The following FAM135A variants were observed in gnomAD, a reference collection of about 807,000 sequenced individuals.
The protein encoded by FAM135A is family with sequence similarity 135 member A, also known as protein FAM135A.
Under a neutral mutation model 146.8 loss-of-function variants are expected in FAM135A, and 79 were observed. The observed-to-expected ratio is 0.54, with a 90% CI of 0.45 to 0.65. The LOEUF (loss-of-function observed/expected upper bound fraction) is 0.65. Among genes scored for constraint, FAM135A ranks in the 30% least tolerant of loss-of-function variants. The pLI is 0.00. For missense variants in FAM135A, 1,623 were observed against 1,758.2 expected (o/e 0.92, Z 1.38); for synonymous variants, 562 against 603.6 (o/e 0.93, Z 1.01).
intron 5 of FAM135A, among the ~76,000 whole-genome samples, chr6:70,464,736 G>A (rs890900749): frequency 2.2e-5 from 3 of 134,086 alleles, no homozygotes; most frequent in East Asian, 2.1e-4. Flanking sequence ...GTGTGATCTC[G>A]GCTCACTGCA....
intron 11 of FAM135A, among the ~76,000 whole-genome samples, chr6:70,498,843 G>C (rs1272913656): frequency 1.3e-5 from 2 of 152,186 alleles, no homozygotes; most frequent in Non-Finnish European, 2.9e-5. Flanking sequence ...CTGAGAGACT[G>C]TTTATTATGA....
chr6:70,538,161 G>T (rs1397703965), intron 19 of FAM135A, 130 bp from the exon 20 acceptor site: 5 of 469,702 alleles, frequency 1.1e-5, no homozygotes, highest in African/African-American at 6.1e-5. Context: ...ATATATTTTT[G>T]ATTAGCCAAC....
chr6:70,428,500 C>A, intron 4 of FAM135A, 81 bp downstream of exon 4: 3 of 888,134 alleles, frequency 3.4e-6, no homozygotes, highest in South Asian at 4.5e-5. Context: ...ATTTTTATTC[C>A]AGCATATATA....
chr6:70,557,148 G>T (rs1305491735), intron 21 of FAM135A: 1 of 503,288 alleles, frequency 2.0e-6, no homozygotes, highest in Non-Finnish European at 3.5e-6. Context: ...ATTGACAATT[G>T]TAGTCATCCT....
At chr6:70,526,829 C>G (rs1794848971) in intron 15 of FAM135A, 131 bp downstream of exon 15, 2 of 827,024 alleles carry the variant, frequency 2.4e-6, no homozygotes, top group Non-Finnish European at 1.7e-6. Flanking sequence ...ATAGATAGTG[C>G]TAAAGGATTG....
rs1463617765 is a variant in FAM135A, at chr6:70,526,555, T to C, written c.3471T>C (p.Ser1157=). 1 of 1,613,698 alleles carries C rather than the reference T, an allele frequency of 6.2e-7. No individual in the cohort carries two copies. The highest frequency in any genetic ancestry group is 1.7e-5 in the Admixed American group (1 of 60,002). The part of the protein sequence containing the change: ...VCTSGCLSFP[S]APRESPCNVK... Reference sequence around the variant, plus strand: ...CTTCTGGTTGTTTGTCCTTCCCGTCTGCACCACGAGAGTCTCCTTGTAATG... The same window carrying C: ...CTTCTGGTTGTTTGTCCTTCCCGTCCGCACCACGAGAGTCTCCTTGTAATG... The change falls in exon 15 of 22, where the codon TCT becomes TCC. Residue 1157 remains serine, a synonymous_variant. Coordinates refer to ENST00000418814, the MANE Select transcript of FAM135A (RefSeq NM_001162529.3).
chr6:70,551,118 C>T (rs937869999), intron 20 of FAM135A, among the ~76,000 whole-genome samples: 3 of 152,200 alleles, frequency 2.0e-5, no homozygotes, highest in South Asian at 4.1e-4. Context: ...AAACCTTCTC[C>T]GCATCAGCAA....
chr6:70,466,967 A>G (rs555719082), intron 5 of FAM135A, among the ~76,000 whole-genome samples: 12 of 152,256 alleles, frequency 7.9e-5, no homozygotes, highest in Admixed American at 1.3e-4. Flanking sequence ...ATCTTCCTTC[A>G]CCATCTTCCT....
At chr6:70,444,406 AAAAT>A (rs139346630) in intron 4 of FAM135A, among the ~76,000 whole-genome samples, 42,625 of 150,408 alleles carry the variant, frequency 0.28, 8,194 homozygotes, top group African/African-American at 0.55. Flanking sequence ...GTGTCTCAAA[AAAAT>A]AAATAAATAA....
chr6:70,461,175 G>T (rs1234214492), intron 5 of FAM135A, among the ~76,000 whole-genome samples: 2 of 152,094 alleles, frequency 1.3e-5, no homozygotes, highest in Non-Finnish European at 2.9e-5. Flanking sequence ...CAGAGATGCT[G>T]CTCTGATGTA....
chr6:70,525,933 G>A lies in FAM135A; in HGVS notation c.2849G>A (p.Gly950Asp). 1 of 1,613,342 alleles carries A rather than the reference G, an allele frequency of 6.2e-7. No individual in the cohort carries two copies. Among genetic ancestry groups the A allele is most frequent in the Non-Finnish European group, 8.5e-7 (1 of 1,179,600 alleles). The change falls in exon 15 of 22, where the codon GGC (glycine) becomes GAC (aspartate). Residue 950 changes from glycine (G) to aspartate (D), a missense_variant. Gly to Asp is a moderately conservative substitution (Grantham distance 94). Coordinates refer to ENST00000418814, the MANE Select transcript of FAM135A (RefSeq NM_001162529.3). ...CCTAACTTGGATACTATGTGTAAAGGCTTCCAGAGTCCTGATAAATCTAAT... is the reference window on the plus strand; with the variant it reads ...CCTAACTTGGATACTATGTGTAAAGACTTCCAGAGTCCTGATAAATCTAAT... ...SKPNLDTMCK[G>D]FQSPDKSNNS...
Position 70,491,205 on chromosome 6 carries a change from G to A in FAM135A, c.873+122G>A, listed in dbSNP as rs898416136. ...GTTCCTAAAATGCAAAGATAAAATG[G>A]TTGATCATGGTAGAACCACAACTTA... On this transcript the variant is annotated intron_variant, in intron 11 of 21. Transcript: ENST00000418814. 5.1e-6 allele frequency: 4 copies of A among 783,974 alleles called. No homozygotes were observed. In the African/African-American group the frequency reaches 5.4e-5, roughly 11 times the overall value. The allele number at this position is 783,974 out of a possible 1,614,324, so 48.6% of individuals were successfully genotyped here.
chr6:70,499,701 G>T (rs1032783472), intron 11 of FAM135A, among the ~76,000 whole-genome samples: 3 of 152,074 alleles, frequency 2.0e-5, no homozygotes, highest in African/African-American at 7.2e-5. Context: ...GCATTTCCTT[G>T]TCTGTAAAGG....
intron 12 of FAM135A, 195 bp downstream of exon 12, chr6:70,502,986 A>G (rs1178719704): frequency 6.5e-6 from 3 of 463,398 alleles, no homozygotes; most frequent in East Asian, 3.6e-5. Flanking sequence ...ACCTATTTCA[A>G]TCACAATCCC....
intron 4 of FAM135A, among the ~76,000 whole-genome samples, chr6:70,445,822 G>A (rs371953224): frequency 6.6e-6 from 1 of 152,138 alleles, no homozygotes; most frequent in Non-Finnish European, 1.5e-5. Flanking sequence ...GCCAGTTTTG[G>A]GGCCAGTTTA....
At chr6:70,477,128 A>T in intron 7 of FAM135A, 31 bp from the exon 8 acceptor site, 2 of 1,591,456 alleles carry the variant, frequency 1.3e-6, no homozygotes, top group Non-Finnish European at 1.7e-6. Context: ...TAAATGTTTC[A>T]TACTTACATG....
At chr6:70,453,204 TC>T (rs1004580334) in intron 5 of FAM135A, among the ~76,000 whole-genome samples, 1 of 152,190 alleles carries the variant, frequency 6.6e-6, no homozygotes, top group Admixed American at 6.5e-5. Context: ...AATGAAACAT[TC>T]TAAAGAGTTA....
chr6:70,485,038 T>C (rs935895651), intron 10 of FAM135A, among the ~76,000 whole-genome samples: 2 of 152,204 alleles, frequency 1.3e-5, no homozygotes, highest in East Asian at 3.8e-4. Flanking sequence ...TTATTCCAAA[T>C]TATTTGCTTA....
chr6:70,466,296 C>A (rs182181964), intron 5 of FAM135A, among the ~76,000 whole-genome samples: 2 of 152,218 alleles, frequency 1.3e-5, no homozygotes, highest in Admixed American at 1.3e-4. Flanking sequence ...CTCCTGTATA[C>A]CCCTCTTGAC....
Sources: gnomAD v4.1 joint callset for allele counts (sites outside exome capture counted in the v4.1 genomes callset) on GRCh38, gnomAD v4.1.1 for gene constraint, MANE v1.5 for transcripts, NCBI Gene and HGNC (gene_info 2026-07-23, HGNC 2026-07-21) for gene names.